Variants in MND1 observed in about 807,000 individuals in gnomAD.
MND1 encodes meiotic nuclear division protein 1 homolog.
Under a neutral mutation model 35.1 loss-of-function variants are expected in MND1, and 28 were observed. The observed-to-expected ratio is 0.80, with a 90% CI of 0.59 to 1.09. The LOEUF (loss-of-function observed/expected upper bound fraction) is 1.09, where lower values mean the gene tolerates loss of function less well. MND1 is among the 50% of genes least tolerant of loss of function. The pLI is 0.00. For synonymous variants in MND1, 69 were observed against 70.5 expected, an observed-to-expected ratio of 0.98 and a Z score of 0.11; for missense variants, 213 against 239.6, an observed-to-expected ratio of 0.89 and a Z score of 0.73.
At chr4:153,347,963 G>A (rs191379867) in intron 1 of MND1, among the ~76,000 whole-genome samples, 2 of 152,270 alleles carry the variant, frequency 1.3e-5, no homozygotes, top group African/African-American at 4.8e-5. Context: ...ACTCAGAAAC[G>A]TCTGGATGTC....
chr4:153,359,178 C>T (rs563305246), intron 4 of MND1, among the ~76,000 whole-genome samples: 59 of 152,238 alleles, frequency 3.9e-4, no homozygotes, highest in Non-Finnish European at 1.5e-5. Flanking sequence ...CCTAAAAATC[C>T]GCTGTTTCCT....
chr4:153,346,052 T>C (rs1773070882), intron 1 of MND1, among the ~76,000 whole-genome samples: 1 of 152,340 alleles, frequency 6.6e-6, no homozygotes, highest in South Asian at 2.1e-4. Flanking sequence ...TTTAAAAAAT[T>C]AAAGCTTTTG....
intron 4 of MND1, among the ~76,000 whole-genome samples, chr4:153,360,727 T>C (rs1006054327): frequency 3.3e-5 from 5 of 149,346 alleles, no homozygotes; most frequent in Admixed American, 6.7e-5. Flanking sequence ...GACAGGGTCT[T>C]GCTTTGTGTG....
chr4:153,366,961 A>G (rs1359803631), intron 4 of MND1, among the ~76,000 whole-genome samples: 1 of 152,178 alleles, frequency 6.6e-6, no homozygotes, highest in Admixed American at 6.5e-5. Flanking sequence ...CAGGGTCCTC[A>G]TTCTTAATCA....
chr4:153,372,398 T>G (rs1320895357), intron 4 of MND1, among the ~76,000 whole-genome samples: 1 of 151,216 alleles, frequency 6.6e-6, no homozygotes, highest in African/African-American at 2.4e-5. Flanking sequence ...AAAAAAACTT[T>G]TTATGTGTGT....
chr4:153,404,949 G>A (rs534395298), intron 6 of MND1, among the ~76,000 whole-genome samples: 1 of 151,716 alleles, frequency 6.6e-6, no homozygotes, highest in South Asian at 2.1e-4. Flanking sequence ...TAGCTAGACT[G>A]GTCTCGAACT....
At chr4:153,390,542 A>G (rs1728990430) in intron 4 of MND1, among the ~76,000 whole-genome samples, 2 of 152,160 alleles carry the variant, frequency 1.3e-5, no homozygotes, top group Non-Finnish European at 2.9e-5. Flanking sequence ...ACTCTTAATT[A>G]ATATAGTTAA....
chr4:153,356,811 T>C (rs1249441097), intron 3 of MND1, among the ~76,000 whole-genome samples: 1 of 152,040 alleles, frequency 6.6e-6, no homozygotes, highest in Non-Finnish European at 1.5e-5. Flanking sequence ...TATTTGTTTA[T>C]TTATTTATTT....
intron 4 of MND1, among the ~76,000 whole-genome samples, chr4:153,378,443 G>A (rs1728571175): frequency 6.6e-6 from 1 of 152,144 alleles, no homozygotes; most frequent in Admixed American, 6.6e-5. Flanking sequence ...TACATAAAAG[G>A]GGGTTCTATA....
At chr4:153,352,184 C>T (rs930108743) in intron 2 of MND1, among the ~76,000 whole-genome samples, 3 of 152,132 alleles carry the variant, frequency 2.0e-5, no homozygotes, top group African/African-American at 7.2e-5. Context: ...GAGTAGCTTT[C>T]CATTGGCACA....
chr4:153,381,020 C>T (rs1373806054), intron 4 of MND1, among the ~76,000 whole-genome samples: 1 of 151,940 alleles, frequency 6.6e-6, no homozygotes, highest in East Asian at 1.9e-4. Flanking sequence ...CTGCCTCAGC[C>T]TCCCAAGTAG....
At chr4:153,395,436 A>G (rs1729170727) in intron 5 of MND1, among the ~76,000 whole-genome samples, 1 of 152,230 alleles carries the variant, frequency 6.6e-6, no homozygotes. Flanking sequence ...TGCCGCCTGC[A>G]GATATCAGAA....
At chr4:153,380,022 C>T (rs1363847094) in intron 4 of MND1, among the ~76,000 whole-genome samples, 1 of 151,752 alleles carries the variant, frequency 6.6e-6, no homozygotes, top group Admixed American at 6.6e-5. Context: ...CCCTATCCCC[C>T]CATACCAAAA....
intron 1 of MND1, among the ~76,000 whole-genome samples, chr4:153,346,400 C>G (rs946922238): frequency 6.6e-6 from 1 of 152,100 alleles, no homozygotes; most frequent in African/African-American, 2.4e-5. Context: ...CTTCATAGTC[C>G]TTGAGTCAGG....
At chr4:153,390,562 C>T (rs1214952652) in intron 4 of MND1, among the ~76,000 whole-genome samples, 2 of 151,974 alleles carry the variant, frequency 1.3e-5, no homozygotes, top group African/African-American at 2.4e-5. Context: ...AGGTATATAT[C>T]CTGGCTGGGT....
intron 4 of MND1, among the ~76,000 whole-genome samples, chr4:153,361,803 A>G (rs971194480): frequency 6.6e-6 from 1 of 151,858 alleles, no homozygotes; most frequent in African/African-American, 2.4e-5. Context: ...GCGCCACTGC[A>G]CTCCAGGCTG....
At chr4:153,358,322 T>C (rs960192219) in intron 3 of MND1, 152 bp from the exon 4 acceptor site, 2 of 587,034 alleles carry the variant, frequency 3.4e-6, no homozygotes, top group African/African-American at 3.8e-5. Context: ...CTTAGGCAGT[T>C]TCATTGTTGT....
intron 3 of MND1, among the ~76,000 whole-genome samples, chr4:153,357,578 T>C (rs1346219786): frequency 6.6e-6 from 1 of 152,180 alleles, no homozygotes; most frequent in Non-Finnish European, 1.5e-5. Context: ...GAAGTGGTGT[T>C]GCTGTCTCAG....
intron 4 of MND1, chr4:153,381,694 T>TATATATAATATAATATATATATATA (rs1561068650): frequency 1.2e-4 from 1 of 8,556 alleles, no homozygotes; most frequent in Non-Finnish European, 1.9e-4. Flanking sequence ...ATATATATAT[T>TATATATAATATAATATATATATATA]TTTTTTTTTT....
Sources: allele counts gnomAD v4.1 joint callset (sites outside exome capture counted in the v4.1 genomes callset), GRCh38; gene constraint gnomAD v4.1.1; transcripts MANE v1.5; gene names NCBI Gene and HGNC (gene_info 2026-07-23, HGNC 2026-07-21).